The following UNC13C variants were observed in gnomAD, a reference collection of about 807,000 sequenced individuals.
UNC13C encodes protein unc-13 homolog C.
A neutral mutation model predicts 245.4 loss-of-function variants in UNC13C; 174 were observed. The observed-to-expected ratio is 0.71, with a 90% CI of 0.63 to 0.80. The LOEUF (loss-of-function observed/expected upper bound fraction) is 0.80. Ranked by LOEUF, UNC13C falls within the 30% of genes least tolerant of loss-of-function variation. The pLI is 0.00. For missense variants in UNC13C, 2,829 were observed against 2,602.9 expected (o/e 1.09, Z -1.89); for synonymous variants, 992 against 895.1 (o/e 1.11, Z -1.93).
At chr15:54,132,434 G>A (rs1452586637) in intron 2 of UNC13C, among the ~76,000 whole-genome samples, 1 of 152,144 alleles carries the variant, frequency 6.6e-6, no homozygotes, top group Non-Finnish European at 1.5e-5. Flanking sequence ...TGAGTTATGA[G>A]TTAAATCAGC....
intron 14 of UNC13C, among the ~76,000 whole-genome samples, chr15:54,323,278 G>A (rs963978988): frequency 6.6e-6 from 1 of 151,984 alleles, no homozygotes; most frequent in African/African-American, 2.4e-5. Flanking sequence ...AGAAATGCAT[G>A]CGAGGTGTAT....
chr15:54,566,617 A>G (rs1042254284), intron 29 of UNC13C, among the ~76,000 whole-genome samples: 7 of 151,938 alleles, frequency 4.6e-5, no homozygotes, highest in Admixed American at 2.6e-4. Context: ...TTTAAATCCC[A>G]TTTGCCTAAT....
the UNC13C span, among the ~76,000 whole-genome samples, chr15:53,891,131 A>T: frequency 6.6e-6 from 1 of 152,130 alleles, no homozygotes; most frequent in Non-Finnish European, 1.5e-5. Context: ...ACCAGTAGTC[A>T]TTTAGGAGCG....
At chr15:53,857,291 A>G in the UNC13C span, among the ~76,000 whole-genome samples, 1 of 152,188 alleles carries the variant, frequency 6.6e-6, no homozygotes, top group Non-Finnish European at 1.5e-5. Flanking sequence ...TTTTAACAAT[A>G]TAATTACTTT....
At chr15:54,364,906 A>G (rs889965362) in intron 17 of UNC13C, among the ~76,000 whole-genome samples, 1 of 152,186 alleles carries the variant, frequency 6.6e-6, no homozygotes, top group Non-Finnish European at 1.5e-5. Context: ...AAAACGATCA[A>G]ACTCGGGCAT....
intron 2 of UNC13C, among the ~76,000 whole-genome samples, chr15:54,095,521 C>G (rs1003165786): frequency 2.3e-4 from 35 of 152,284 alleles, no homozygotes; most frequent in African/African-American, 7.5e-4. Context: ...TAGTTGGCAC[C>G]TATTCAGTAG....
chr15:54,364,087 A>G (rs879784842), intron 17 of UNC13C, among the ~76,000 whole-genome samples: 5 of 152,234 alleles, frequency 3.3e-5, no homozygotes, highest in Admixed American at 6.5e-5. Flanking sequence ...ACCTTTACAT[A>G]TTGCTGGAGA....
At chr15:54,437,925 G>A (rs78672543) in intron 19 of UNC13C, among the ~76,000 whole-genome samples, 1 of 152,068 alleles carries the variant, frequency 6.6e-6, no homozygotes, top group Non-Finnish European at 1.5e-5. Context: ...TAAAAGCCAT[G>A]TGTCATTCCT....
At chr15:54,297,736 T>A in intron 11 of UNC13C, 75 bp from the exon 12 acceptor site, 1 of 1,144,246 alleles carries the variant, frequency 8.7e-7, no homozygotes. Flanking sequence ...TTTTTGTTTT[T>A]TAGCTTTTGA....
At chr15:54,604,099 C>T (rs929740581) in intron 30 of UNC13C, among the ~76,000 whole-genome samples, 2 of 152,116 alleles carry the variant, frequency 1.3e-5, no homozygotes, top group Non-Finnish European at 2.9e-5. Context: ...GATGTGAGAG[C>T]TGAACTCATG....
At chr15:54,591,981 G>C (rs1898817118) in intron 30 of UNC13C, among the ~76,000 whole-genome samples, 1 of 152,030 alleles carries the variant, frequency 6.6e-6, no homozygotes, top group African/African-American at 2.4e-5. Flanking sequence ...CAGAGGTTTT[G>C]ATAGGTTGTA....
the UNC13C span, among the ~76,000 whole-genome samples, chr15:53,868,714 G>C: frequency 2.0e-5 from 3 of 152,282 alleles, no homozygotes; most frequent in South Asian, 6.2e-4. Context: ...GAGGGAAAAA[G>C]TAAATTTAAG....
chr15:53,963,165 G>A, the UNC13C span, among the ~76,000 whole-genome samples: 4 of 152,090 alleles, frequency 2.6e-5, no homozygotes, highest in Non-Finnish European at 4.4e-5. Flanking sequence ...GAAAGGCTGA[G>A]GTTTACATTA....
chr15:54,024,720 C>T (rs1896034574), intron 2 of UNC13C, among the ~76,000 whole-genome samples: 1 of 151,988 alleles, frequency 6.6e-6, no homozygotes, highest in African/African-American at 2.4e-5. Flanking sequence ...ATATCGAGAC[C>T]ATCCTGGCTA....
chr15:54,113,088 T>G (rs573404773), intron 2 of UNC13C, among the ~76,000 whole-genome samples: 67 of 151,582 alleles, frequency 4.4e-4, no homozygotes, highest in African/African-American at 1.5e-3. Context: ...TAGGCGAGAT[T>G]TTTTTTTTCC....
At chr15:54,047,522 G>A (rs1287919430) in intron 2 of UNC13C, among the ~76,000 whole-genome samples, 1 of 151,902 alleles carries the variant, frequency 6.6e-6, no homozygotes, top group Non-Finnish European at 1.5e-5. Context: ...TTTTGTGTCT[G>A]GCTTATGTCA....
chr15:53,983,334 G>A (rs1894001162), intron 1 of UNC13C, among the ~76,000 whole-genome samples: 1 of 152,030 alleles, frequency 6.6e-6, no homozygotes, highest in Non-Finnish European at 1.5e-5. Context: ...GAATATGTTA[G>A]ACAAAAGAGG....
intron 8 of UNC13C, among the ~76,000 whole-genome samples, chr15:54,251,201 G>A (rs1261920997): frequency 1.3e-5 from 2 of 152,166 alleles, no homozygotes; most frequent in African/African-American, 2.4e-5. Flanking sequence ...TCTGGTGCCT[G>A]CCTGGCAGGA....
At chr15:54,175,433 G>T (rs1035012882) in intron 4 of UNC13C, among the ~76,000 whole-genome samples, 1 of 151,492 alleles carries the variant, frequency 6.6e-6, no homozygotes, top group African/African-American at 2.4e-5. Context: ...AGTCTTCCCT[G>T]GTACCAAATG....
Sources: gnomAD v4.1 joint callset for allele counts (sites outside exome capture counted in the v4.1 genomes callset) on GRCh38, gnomAD v4.1.1 for gene constraint, MANE v1.5 for transcripts, NCBI Gene and HGNC (gene_info 2026-07-23, HGNC 2026-07-21) for gene names.